Variants in MRPL54 observed in about 807,000 individuals in gnomAD.
MRPL54 encodes mitochondrial ribosomal protein L54.
A neutral mutation model predicts 15.6 loss-of-function variants in MRPL54; 12 were observed. That is an observed-to-expected ratio of 0.77 (90% CI 0.49 to 1.24). The LOEUF (loss-of-function observed/expected upper bound fraction) is 1.24, where lower values mean the gene tolerates loss of function less well. Among genes scored for constraint, MRPL54 ranks in the 50% most tolerant of loss-of-function variants. The pLI is 0.00. For missense variants in MRPL54, 178 were observed against 186.8 expected, an observed-to-expected ratio of 0.95 and a Z score of 0.28; for synonymous variants, 91 against 75.7, an observed-to-expected ratio of 1.20 and a Z score of -1.05.
In MRPL54 at chr19:3,767,251, C is replaced by G. The variant is rs1337350824; in HGVS notation, c.285-10C>G. The G allele has an allele frequency of 1.9e-6, 3 of 1,608,344 alleles. No homozygotes were observed. The highest frequency in any genetic ancestry group is 2.7e-5 in the African/African-American group (2 of 74,490). The stretch of plus-strand genomic sequence containing the variant: ...CGTGTAGCTCTGATTCCTGCCCGCA[C>G]CCCCGTCAGGCTGTTCGAGATGAAC... On this transcript the variant is annotated splice_polypyrimidine_tract_variant and intron_variant, in intron 2 of 2. Coordinates refer to ENST00000330133, the MANE Select transcript of MRPL54 (RefSeq NM_172251.3).
chr19:3,762,836 G>T lies in MRPL54; in HGVS notation c.118+18G>T. On this transcript the variant is annotated intron_variant, in intron 1 of 2. Transcript: ENST00000330133. ...GAAACCAGGTGAGCTGGGTTAAGAG[G>T]AACCAAATGGGGACGGTGGGTGCAC... 6.5e-7 allele frequency: 1 copy of T among 1,534,302 alleles called. No homozygotes were observed. The highest frequency in any genetic ancestry group is 1.2e-5 in the South Asian group (1 of 84,446).
rs567378280 is a variant in MRPL54, at chr19:3,765,253, C to G, written c.206C>G (p.Thr69Ser). 4 of 1,613,996 alleles carry G rather than the reference C, an allele frequency of 2.5e-6. No individual in the cohort carries two copies. Among genetic ancestry groups the G allele is most frequent in the Non-Finnish European group, 3.4e-6 (4 of 1,179,964 alleles). ...PDVCTDPVQL[T>S]TYAMGVNIYK... ...GTATGCACAGATCCTGTCCAGCTCA[C>G]CACATATGCCATGGGCGTCAACATC... is the stretch of plus-strand genomic sequence containing the variant. Residue 69 changes from threonine (T) to serine (S), a missense_variant, in exon 2 of 3, where the codon ACC (threonine) becomes AGC (serine). Physicochemically the swap from Thr to Ser is moderately conservative, Grantham distance 58. Coordinates refer to ENST00000330133, the MANE Select transcript of MRPL54 (RefSeq NM_172251.3).
intron 2 of MRPL54, among the ~76,000 whole-genome samples, chr19:3,766,248 T>TTG (rs2145732094): frequency 6.6e-6 from 1 of 152,258 alleles, no homozygotes; most frequent in Admixed American, 6.5e-5. Context: ...CAGCTAATTT[T>TTG]TGTATTTTTA....
intron 2 of MRPL54, 61 bp downstream of exon 2, chr19:3,765,392 C>A: frequency 6.4e-7 from 1 of 1,562,626 alleles, no homozygotes; most frequent in Admixed American, 1.8e-5. Context: ...CCAGGAGGAC[C>A]CCTTCCCGGA....
At chr19:3,765,364 A>C (rs769730508) in intron 2 of MRPL54, 33 bp downstream of exon 2, 1 of 1,607,858 alleles carries the variant, frequency 6.2e-7, no homozygotes, top group Non-Finnish European at 8.5e-7. Context: ...TCCTGCAATG[A>C]CTATTCCTTC....
intron 1 of MRPL54, among the ~76,000 whole-genome samples, chr19:3,763,591 C>CA (rs1233768321): frequency 1.4e-5 from 2 of 146,750 alleles, no homozygotes; most frequent in Non-Finnish European, 3.0e-5. Flanking sequence ...CCAGCCTGGG[C>CA]AACATAGCAG....
chr19:3,764,429 A>T (rs903902952), intron 1 of MRPL54, among the ~76,000 whole-genome samples: 2 of 145,932 alleles, frequency 1.4e-5, no homozygotes, highest in African/African-American at 5.1e-5. Flanking sequence ...TTTTTTTGAG[A>T]TGGAATCTTG....
At chr19:3,766,405 G>T (rs532746525) in intron 2 of MRPL54, among the ~76,000 whole-genome samples, 2 of 152,084 alleles carry the variant, frequency 1.3e-5, no homozygotes, top group East Asian at 3.9e-4. Flanking sequence ...GTAGAGACAG[G>T]GTTTCTCCAT....
rs2037207689 is a variant in MRPL54 at position 3,767,387 on chromosome 19, G to A, written c.411G>A (p.Arg137=). 1.2e-6 allele frequency: 2 copies of A among 1,610,004 alleles called. No homozygotes were observed. Among genetic ancestry groups the A allele is most frequent in the East Asian group, 2.3e-5 (1 of 44,268 alleles). The stretch of plus-strand genomic sequence containing the variant: ...ACAACCGGCTGAGCAAGAACAAGAG[G>A]TTGTAGCATGGAGGGCCCGGCATCG... The part of the protein sequence containing the change: ...WRHNRLSKNK[R]L Residue 137 remains arginine (R), a synonymous_variant, in exon 3 of 3, where the codon AGG becomes AGA. Transcript: ENST00000330133.
intron 1 of MRPL54, among the ~76,000 whole-genome samples, chr19:3,763,803 T>C (rs2037173862): frequency 6.6e-6 from 1 of 151,734 alleles, no homozygotes; most frequent in Non-Finnish European, 1.5e-5. Context: ...TCCCAGCTAC[T>C]CAGGAGGCTG....
In MRPL54 at chr19:3,767,386, G is replaced by T. The variant is rs1446096441; in HGVS notation, c.410G>T (p.Arg137Met). 1 of 1,610,052 alleles carries T rather than the reference G, an allele frequency of 6.2e-7. No individual in the cohort carries two copies. The highest frequency in any genetic ancestry group is 1.3e-5 in the African/African-American group (1 of 74,656). ...WRHNRLSKNK[R>M]L ...CACAACCGGCTGAGCAAGAACAAGA[G>T]GTTGTAGCATGGAGGGCCCGGCATC... The change falls in exon 3 of 3, where the codon AGG (arginine) becomes ATG (methionine). Residue 137 changes from arginine to methionine, a missense_variant. Arg to Met is a moderately conservative substitution (Grantham distance 91). Transcript: ENST00000330133.
rs375483535 is a variant in MRPL54, at chr19:3,766,322, G to A, written c.285-939G>A. ...CGAACTCCTGATAACCTCGTGATCC[G>A]CCTGCCCTGGCCTCCCAAAGTGCTG... On this transcript the variant is annotated intron_variant, in intron 2 of 2. Coordinates refer to ENST00000330133, the MANE Select transcript of MRPL54 (RefSeq NM_172251.3). Among the ~76,000 whole-genome samples the A allele has an allele frequency of 2.8e-4, 43 of 152,004 alleles. No homozygotes were observed. The South Asian group carries it at 6.9e-3, about 24-fold the overall frequency.
chr19:3,766,439 C>T (rs192964201), intron 2 of MRPL54, among the ~76,000 whole-genome samples: 2 of 152,164 alleles, frequency 1.3e-5, no homozygotes, highest in African/African-American at 4.8e-5. Flanking sequence ...GTCTTGAACT[C>T]CTGACCTCAG....
At chr19:3,765,465 A>C in intron 2 of MRPL54, 134 bp downstream of exon 2, 1 of 878,540 alleles carries the variant, frequency 1.1e-6, no homozygotes, top group South Asian at 1.7e-5. Flanking sequence ...GCTTTAGGGC[A>C]GGGGGCTTCA....
At chr19:3,762,892 G>T in intron 1 of MRPL54, 74 bp downstream of exon 1, 1 of 1,268,362 alleles carries the variant, frequency 7.9e-7, no homozygotes, top group South Asian at 1.4e-5. Flanking sequence ...GGCGGTGGTT[G>T]GGGAGGTGGT....
chr19:3,765,128 G>T, intron 1 of MRPL54, 38 bp from the exon 2 acceptor site: 1 of 1,578,982 alleles, frequency 6.3e-7, no homozygotes. Flanking sequence ...TCCAGAGGAG[G>T]GGCTGGGCTG....
Position 3,765,206 on chromosome 19 carries a change from C to A in MRPL54, c.159C>A (p.Ser53Arg). The A allele has an allele frequency of 6.2e-7, 1 of 1,613,460 alleles. No individual in the cohort carries two copies. The highest frequency in any genetic ancestry group is 8.5e-7 in the Non-Finnish European group (1 of 1,179,764). ...GAKSGKGAVT[S>R]EALKDPDVCT... ...AATCGGGAAAAGGTGCAGTGACCAG[C>A]GAGGCCCTCAAGGACCCCGACGTAT... Residue 53 changes from serine (S) to arginine (R), a missense_variant, in exon 2 of 3, where the codon AGC becomes AGA. Coordinates refer to ENST00000330133, the MANE Select transcript of MRPL54 (RefSeq NM_172251.3).
At position 3,767,563 on chromosome 19, in the gene MRPL54, C is replaced by T. The variant is rs1599183297; in HGVS notation, c.*170C>T. 4.5e-6 allele frequency: 4 copies of T among 879,560 alleles called. No homozygotes were observed. In the East Asian group the frequency reaches 9.3e-5, roughly 20 times the overall value. 54.5% of individuals were successfully genotyped at this position (879,560 alleles called of 1,614,324 possible). ...CAATAAAGAGCTTTCTGGGTAGACC[C>T]TATTTCCCCTTGGTATTGTCTGGTG... On this transcript the variant is annotated 3_prime_UTR_variant, in exon 3 of 3. Transcript: ENST00000330133.
In MRPL54 at chr19:3,765,434, T is replaced by C. The variant is rs1368891652; in HGVS notation, c.284+103T>C. 4.4e-5 allele frequency: 56 copies of C among 1,281,298 alleles called. No homozygotes were observed. The East Asian group carries it at 7.9e-4, about 18-fold the overall frequency. 79.4% of individuals were successfully genotyped at this position (1,281,298 alleles called of 1,614,324 possible). ...GATCGCCACTCCAGCCGGAGCCTAA[T>C]AGTCACACCTACCCATCCTGGCTTT... On this transcript the variant is annotated intron_variant, in intron 2 of 2. Coordinates refer to ENST00000330133, the MANE Select transcript of MRPL54 (RefSeq NM_172251.3).
Sources: gnomAD v4.1 joint callset for allele counts (sites outside exome capture counted in the v4.1 genomes callset) on GRCh38, gnomAD v4.1.1 for gene constraint, MANE v1.5 for transcripts, NCBI Gene and HGNC (gene_info 2026-07-23, HGNC 2026-07-21) for gene names.